Variants in PRICKLE2 observed in about 807,000 individuals in gnomAD.
The protein encoded by PRICKLE2 is prickle planar cell polarity protein 2, also known as prickle-like protein 2.
A neutral mutation model predicts 81.4 loss-of-function variants in PRICKLE2; 21 were observed. That is an observed-to-expected ratio of 0.26 (90% CI 0.18 to 0.37). PRICKLE2 has a LOEUF of 0.37. Ranked by LOEUF, PRICKLE2 falls within the 10% of genes least tolerant of loss-of-function variation. PRICKLE2 has a pLI of 1.00. For synonymous variants in PRICKLE2, 456 were observed against 421.5 expected (o/e 1.08, Z -1.00); for missense variants, 940 against 1,109.0 (o/e 0.85, Z 2.16).
At chr3:64,158,510 T>C (rs909913095) in intron 4 of PRICKLE2, among the ~76,000 whole-genome samples, 3 of 152,238 alleles carry the variant, frequency 2.0e-5, no homozygotes. Context: ...CAAGGTCATC[T>C]GGAAGAAACA....
chr3:64,239,342 C>G (rs2079228311), intron 2 of PRICKLE2, among the ~76,000 whole-genome samples: 1 of 152,102 alleles, frequency 6.6e-6, no homozygotes, highest in South Asian at 2.1e-4. Context: ...CAGAGATACA[C>G]AGAGGAGGTT....
intron 2 of PRICKLE2, chr3:64,163,953 C>G (rs988684667): frequency 1.3e-5 from 2 of 148,658 alleles, no homozygotes; most frequent in African/African-American, 4.9e-5. Context: ...AAAAAAAATC[C>G]CACAAGCCCA....
chr3:64,151,113 C>G (rs73124809), intron 6 of PRICKLE2, among the ~76,000 whole-genome samples: 1 of 152,302 alleles, frequency 6.6e-6, no homozygotes, highest in East Asian at 1.9e-4. Context: ...GGCTGCCTGA[C>G]GCAGGGCCTG....
In PRICKLE2 at chr3:64,097,381, A is replaced by G. The variant is rs745721119; in HGVS notation, c.*1670T>C. 3 of 152,550 alleles carry G rather than the reference A, an allele frequency of 2.0e-5. No individual in the cohort carries two copies. Among genetic ancestry groups the G allele is most frequent in the Non-Finnish European group, 4.4e-5 (3 of 68,042 alleles). The allele number at this position is 152,550 out of a possible 1,614,324, so 9.4% of individuals were successfully genotyped here. ...GAAAAGAGATCACGCTCACCTCACC[A>G]TGGCAGATGGCCACTGAGATACACC... is the stretch of plus-strand genomic sequence containing the variant. On this transcript the variant is annotated 3_prime_UTR_variant, in exon 8 of 8. Transcript: ENST00000638394.
At position 64,098,918 on chromosome 3, in the gene PRICKLE2, C is replaced by T. The variant is rs370569305; in HGVS notation, c.*133G>A. On this transcript the variant is annotated 3_prime_UTR_variant, in exon 8 of 8. Transcript: ENST00000638394. ...TTGAGTCAACCTGTAACCTTGCCTC[C>T]ATCTACTGACAGCATTTTCCCTTTT... 202 of 965,242 alleles carry T rather than the reference C, an allele frequency of 2.1e-4. 2 individuals are homozygous for T. Among genetic ancestry groups the T allele is most frequent in the East Asian group, 1.9e-3 (76 of 40,896 alleles). 59.8% of individuals were successfully genotyped at this position (965,242 alleles called of 1,614,324 possible).
chr3:64,121,631 G>A (rs1056703866), intron 7 of PRICKLE2, among the ~76,000 whole-genome samples: 1 of 151,614 alleles, frequency 6.6e-6, no homozygotes, highest in Non-Finnish European at 1.5e-5. Context: ...GAATTTTAAT[G>A]CTTAAAATAT....
chr3:64,192,194 C>T (rs114355172), intron 2 of PRICKLE2, among the ~76,000 whole-genome samples: 1,701 of 152,256 alleles, frequency 0.011, 31 homozygotes, highest in African/African-American at 0.039. Context: ...GCGACCTGAA[C>T]ATTTCTGGTT....
At chr3:64,203,686 A>G (rs2078629133) in intron 1 of PRICKLE2, among the ~76,000 whole-genome samples, 1 of 152,144 alleles carries the variant, frequency 6.6e-6, no homozygotes, top group African/African-American at 2.4e-5. Context: ...AACAGAAAAG[A>G]GACGATGGGG....
At chr3:64,218,694 G>A (rs1179516447) in intron 1 of PRICKLE2, among the ~76,000 whole-genome samples, 1 of 152,150 alleles carries the variant, frequency 6.6e-6, no homozygotes, top group Non-Finnish European at 1.5e-5. Flanking sequence ...CTGAGTCATG[G>A]TGCAGCTGAG....
intron 7 of PRICKLE2, among the ~76,000 whole-genome samples, chr3:64,110,642 G>C (rs913596722): frequency 6.6e-6 from 1 of 152,116 alleles, no homozygotes; most frequent in Admixed American, 6.5e-5. Context: ...ATGAGAAGGA[G>C]CCCACCCAGC....
At chr3:64,159,858 T>C in intron 4 of PRICKLE2, 82 bp downstream of exon 4, 1 of 1,558,442 alleles carries the variant, frequency 6.4e-7, no homozygotes, top group Non-Finnish European at 8.9e-7. Context: ...TAGTAGGCAC[T>C]CAGTAAAACA....
intron 7 of PRICKLE2, among the ~76,000 whole-genome samples, chr3:64,132,975 G>C (rs537866998): frequency 6.6e-6 from 1 of 152,176 alleles, no homozygotes; most frequent in Non-Finnish European, 1.5e-5. Flanking sequence ...AGGGGTAGGA[G>C]TGGGAATGGA....
chr3:64,258,636 C>G (rs2079562323), intron 2 of PRICKLE2, among the ~76,000 whole-genome samples: 1 of 151,222 alleles, frequency 6.6e-6, no homozygotes. Context: ...CTGGCTAACA[C>G]AGTGAAACCC....
rs80039009 is a variant in PRICKLE2 at position 64,199,524 on chromosome 3, C to G, written c.-40-557G>C. ...TTTTTCTCATGAAACGTATCTGGCC[C>G]TAAGATCTCATAGGAAAGACAATTT... On this transcript the variant is annotated intron_variant, in intron 1 of 7. Transcript: ENST00000638394. The G allele has an allele frequency of 6.6e-4, 102 of 154,488 alleles. 2 individuals are homozygous for G. The East Asian group carries it at 0.017, about 26-fold the overall frequency. 9.6% of individuals were successfully genotyped at this position (154,488 alleles called of 1,614,324 possible).
chr3:64,125,482 T>C (rs1001417419), intron 7 of PRICKLE2, among the ~76,000 whole-genome samples: 1 of 152,172 alleles, frequency 6.6e-6, no homozygotes, highest in Non-Finnish European at 1.5e-5. Context: ...TCAAACTTCA[T>C]TGTTGTCTTA....
chr3:64,216,658 A>C (rs1452731185), intron 1 of PRICKLE2, among the ~76,000 whole-genome samples: 1 of 152,238 alleles, frequency 6.6e-6, no homozygotes, highest in Non-Finnish European at 1.5e-5. Flanking sequence ...GCAGCTGGTT[A>C]GGCAGCCAAA....
rs1305163934 is a variant in PRICKLE2 at position 64,096,725 on chromosome 3, CT to C, written c.*2325del. The C allele has an allele frequency of 1.3e-5, 2 of 152,550 alleles. No individual in the cohort carries two copies. The highest frequency in any genetic ancestry group is 2.9e-5 in the Non-Finnish European group (2 of 68,038). The allele number at this position is 152,550 out of a possible 1,614,324, so 9.4% of individuals were successfully genotyped here. Reference sequence around the variant, plus strand: ...CATGTGTCAGTTTTTAGGCCACCTTCTTTCTGATGATGGTGGTTGAAGCTTT... The same window carrying C: ...CATGTGTCAGTTTTTAGGCCACCTTCTTCTGATGATGGTGGTTGAAGCTTT... On this transcript the variant is annotated 3_prime_UTR_variant, in exon 8 of 8. Transcript: ENST00000638394.
intron 2 of PRICKLE2, among the ~76,000 whole-genome samples, chr3:64,182,895 T>C (rs1270662527): frequency 2.0e-5 from 3 of 151,004 alleles, no homozygotes; most frequent in Admixed American, 6.6e-5. Context: ...TTAAAAAAAA[T>C]AGAACACAAG....
At chr3:64,157,443 C>G in intron 4 of PRICKLE2, 78 bp from the exon 5 acceptor site, 1 of 1,422,088 alleles carries the variant, frequency 7.0e-7, no homozygotes, top group Non-Finnish European at 9.8e-7. Flanking sequence ...AAAGGACAAC[C>G]ACCATTAGCT....
Sources: allele counts gnomAD v4.1 joint callset (sites outside exome capture counted in the v4.1 genomes callset), GRCh38; gene constraint gnomAD v4.1.1; transcripts MANE v1.5; gene names NCBI Gene and HGNC (gene_info 2026-07-23, HGNC 2026-07-21).